The following TNFSF4 variants were observed in gnomAD, a reference collection of about 807,000 sequenced individuals.
TNFSF4 encodes tumor necrosis factor ligand superfamily member 4.
A neutral mutation model predicts 7.3 loss-of-function variants in TNFSF4; 4 were observed. The ratio of observed to expected loss-of-function variants is 0.55; its 90% CI spans 0.27 to 1.25. The LOEUF (loss-of-function observed/expected upper bound fraction) is 1.25, where lower values mean the gene tolerates loss of function less well. TNFSF4 is among the 50% of genes most tolerant of loss of function. TNFSF4 has a pLI of 0.12. For synonymous variants in TNFSF4, 76 were observed against 83.7 expected (o/e 0.91, Z 0.50); for missense variants, 181 against 208.8 (o/e 0.87, Z 0.82).
the TNFSF4 span, among the ~76,000 whole-genome samples, chr1:173,431,334 C>CT: frequency 5.3e-5 from 8 of 152,276 alleles, no homozygotes; most frequent in Non-Finnish European, 8.8e-5. Flanking sequence ...CCTTAAAGGT[C>CT]TTTACACTCC....
At chr1:173,348,211 G>C in the TNFSF4 span, among the ~76,000 whole-genome samples, 1 of 152,204 alleles carries the variant, frequency 6.6e-6, no homozygotes, top group South Asian at 2.1e-4. Context: ...CCAAGTGGGA[G>C]ATAATTGAAT....
chr1:173,212,564 A>G, the TNFSF4 span, among the ~76,000 whole-genome samples: 1 of 150,268 alleles, frequency 6.7e-6, no homozygotes, highest in South Asian at 2.1e-4. Context: ...GGAGGTGGGG[A>G]TGGTTAGTGG....
the TNFSF4 span, among the ~76,000 whole-genome samples, chr1:173,385,596 G>A: frequency 3.9e-5 from 6 of 152,224 alleles, no homozygotes; most frequent in African/African-American, 9.7e-5. Flanking sequence ...CCAGCACTTC[G>A]GGAGGCCGAG....
the TNFSF4 span, among the ~76,000 whole-genome samples, chr1:173,406,393 C>T: frequency 6.6e-6 from 1 of 152,074 alleles, no homozygotes; most frequent in East Asian, 1.9e-4. Flanking sequence ...ACTTATTTCA[C>T]AAAAATTATT....
At chr1:173,175,269 T>C in the TNFSF4 span, 2 of 152,204 alleles carry the variant, frequency 1.3e-5, no homozygotes, top group Non-Finnish European at 2.9e-5. Flanking sequence ...AACACAAGCC[T>C]CCATTGATTC....
the TNFSF4 span, chr1:173,362,616 A>C: frequency 2.0e-6 from 1 of 491,924 alleles, no homozygotes; most frequent in Admixed American, 2.3e-5. Context: ...TAAGTTTTGC[A>C]TGCTGCTGGT....
upstream of TNFSF4, among the ~76,000 whole-genome samples, chr1:173,211,003 G>T (rs184477181): frequency 6.6e-6 from 1 of 152,324 alleles, no homozygotes; most frequent in Non-Finnish European, 1.5e-5. Flanking sequence ...AAACCCGCAG[G>T]GGGTGCCTTG....
At chr1:173,344,275 T>C in the TNFSF4 span, among the ~76,000 whole-genome samples, 2 of 152,192 alleles carry the variant, frequency 1.3e-5, no homozygotes, top group Non-Finnish European at 2.9e-5. Flanking sequence ...ACCTGCAGAA[T>C]TTTTGACTCT....
the TNFSF4 span, chr1:173,363,228 T>C: frequency 6.9e-6 from 2 of 291,188 alleles, no homozygotes; most frequent in African/African-American, 4.5e-5. Flanking sequence ...TGTATCGCCA[T>C]TCTCTTTCTA....
At chr1:173,421,292 T>A in the TNFSF4 span, among the ~76,000 whole-genome samples, 1 of 152,180 alleles carries the variant, frequency 6.6e-6, no homozygotes, top group Non-Finnish European at 1.5e-5. Context: ...AAATTCAGCT[T>A]TAACTGGACA....
the TNFSF4 span, among the ~76,000 whole-genome samples, chr1:173,364,939 T>C: frequency 6.6e-6 from 1 of 151,764 alleles, no homozygotes; most frequent in African/African-American, 2.4e-5. Flanking sequence ...CACAAAAAAA[T>C]AAGTTCAAGA....
the TNFSF4 span, among the ~76,000 whole-genome samples, chr1:173,403,531 G>T: frequency 6.6e-6 from 1 of 152,220 alleles, no homozygotes; most frequent in African/African-American, 2.4e-5. Flanking sequence ...TTTTCTGACA[G>T]ATCTACATAC....
At chr1:173,226,665 T>A in the TNFSF4 span, among the ~76,000 whole-genome samples, 26 of 152,196 alleles carry the variant, frequency 1.7e-4, no homozygotes, top group African/African-American at 6.3e-4. Flanking sequence ...CTCTTAATCT[T>A]TATGTTTCAA....
the TNFSF4 span, among the ~76,000 whole-genome samples, chr1:173,354,842 A>G: frequency 6.6e-6 from 1 of 152,248 alleles, no homozygotes; most frequent in African/African-American, 2.4e-5. Context: ...AACATTATGC[A>G]GTTCCTGGCT....
At chr1:173,258,253 T>C in the TNFSF4 span, among the ~76,000 whole-genome samples, 4 of 148,208 alleles carry the variant, frequency 2.7e-5, no homozygotes, top group East Asian at 6.1e-4. Context: ...AAATGGTAAG[T>C]GAAGTCTGCA....
the TNFSF4 span, among the ~76,000 whole-genome samples, chr1:173,415,422 A>C: frequency 6.6e-6 from 1 of 152,224 alleles, no homozygotes; most frequent in Non-Finnish European, 1.5e-5. Context: ...GAGCCTTAGG[A>C]AAAGGAAGAT....
At chr1:173,192,505 G>A (rs1217118995) in intron 1 of TNFSF4, among the ~76,000 whole-genome samples, 1 of 152,104 alleles carries the variant, frequency 6.6e-6, no homozygotes, top group Non-Finnish European at 1.5e-5. Flanking sequence ...TGACATTCTG[G>A]AAAAAGCAAA....
chr1:173,395,377 A>ATATATATATATAT, the TNFSF4 span, among the ~76,000 whole-genome samples: 1 of 63,236 alleles, frequency 1.6e-5, no homozygotes, highest in African/African-American at 5.1e-5. Context: ...CTGTGTATAT[A>ATATATATATATAT]ATATATATAT....
chr1:173,324,541 A>G, the TNFSF4 span, among the ~76,000 whole-genome samples: 68 of 152,360 alleles, frequency 4.5e-4, no homozygotes, highest in African/African-American at 1.6e-3. Flanking sequence ...AATGGACTAA[A>G]TGCTCCAATT....
Sources: allele counts gnomAD v4.1 joint callset (sites outside exome capture counted in the v4.1 genomes callset), GRCh38; gene constraint gnomAD v4.1.1; transcripts MANE v1.5; gene names NCBI Gene and HGNC (gene_info 2026-07-23, HGNC 2026-07-21).